The following RPTOR variants were observed in gnomAD, a reference collection of about 807,000 sequenced individuals.
RPTOR encodes the protein regulatory-associated protein of mTOR.
RPTOR carries 21 observed loss-of-function variants against 169.9 expected under a neutral mutation model. The observed-to-expected ratio is 0.12, with a 90% CI of 0.09 to 0.18. The LOEUF is 0.18. RPTOR is among the 10% of genes least tolerant of loss of function. The pLI, the probability that RPTOR is intolerant of heterozygous loss-of-function variation, is 1.00. For missense variants in RPTOR, 1,133 were observed against 1,855.9 expected, an observed-to-expected ratio of 0.61 and a Z score of 7.16; for synonymous variants, 732 against 753.2, an observed-to-expected ratio of 0.97 and a Z score of 0.46.
intron 7 of RPTOR, among the ~76,000 whole-genome samples, chr17:80,799,616 G>C (rs1013359400): frequency 2.0e-5 from 3 of 152,206 alleles, no homozygotes; most frequent in African/African-American, 7.2e-5. Flanking sequence ...GTGACGCAAG[G>C]AGAATAACGG....
At chr17:80,554,616 C>A (rs552243586) in intron 1 of RPTOR, among the ~76,000 whole-genome samples, 2 of 152,012 alleles carry the variant, frequency 1.3e-5, no homozygotes, top group African/African-American at 2.4e-5. Context: ...AGGTGACGGG[C>A]GCCTGTAGTC....
intron 2 of RPTOR, among the ~76,000 whole-genome samples, chr17:80,634,831 T>TGTGCGTACCGTGC (rs1567831680): frequency 1.2e-4 from 16 of 132,236 alleles, no homozygotes; most frequent in Admixed American, 2.9e-4. Context: ...ATACTGTGTG[T>TGTGCGTACCGTGC]GTGTGCATAC....
At chr17:80,647,669 C>T (rs1449965910) in intron 3 of RPTOR, among the ~76,000 whole-genome samples, 7 of 152,172 alleles carry the variant, frequency 4.6e-5, no homozygotes, top group African/African-American at 7.2e-5. Context: ...AACAGCATGG[C>T]GGTGCCTCCA....
intron 6 of RPTOR, among the ~76,000 whole-genome samples, chr17:80,756,052 T>C (rs1907183794): frequency 6.6e-6 from 1 of 152,270 alleles, no homozygotes; most frequent in Non-Finnish European, 1.5e-5. Flanking sequence ...AGAACAATGC[T>C]ACAGTTTTAA....
At chr17:80,938,976 G>A (rs1033215265) in intron 24 of RPTOR, among the ~76,000 whole-genome samples, 13 of 152,316 alleles carry the variant, frequency 8.5e-5, no homozygotes, top group African/African-American at 1.7e-4. Flanking sequence ...GTGCAAGGAC[G>A]CAAACACGGC....
chr17:80,808,576 A>G (rs2067242256), intron 7 of RPTOR, among the ~76,000 whole-genome samples: 1 of 152,180 alleles, frequency 6.6e-6, no homozygotes, highest in African/African-American at 2.4e-5. Flanking sequence ...TACCCACTTG[A>G]GCTGTACAAC....
At chr17:80,558,194 G>A (rs2084435051) in intron 1 of RPTOR, among the ~76,000 whole-genome samples, 2 of 152,130 alleles carry the variant, frequency 1.3e-5, no homozygotes, top group Admixed American at 6.5e-5. Flanking sequence ...CCAGCTACTC[G>A]GATGGCTGAG....
chr17:80,564,057 A>G (rs569443086), intron 1 of RPTOR, among the ~76,000 whole-genome samples: 127 of 149,146 alleles, frequency 8.5e-4, no homozygotes, highest in African/African-American at 2.8e-3. Context: ...GAACATTCAC[A>G]TGTCTTTTCT....
At chr17:80,665,334 TTTC>T (rs2065756217) in intron 3 of RPTOR, among the ~76,000 whole-genome samples, 2 of 328 alleles carry the variant, frequency 6.1e-3, no homozygotes, top group African/African-American at 0.077. Flanking sequence ...TTCTTTTCCC[TTTC>T]CTTTCCTTTC....
rs912705998 is a variant in RPTOR at position 80,659,830 on chromosome 17, T to C, written c.348+16020T>C. Among the ~76,000 whole-genome samples, 11 of 152,294 alleles carry C rather than the reference T, an allele frequency of 7.2e-5. No homozygotes were observed. Among genetic ancestry groups the C allele is most frequent in the African/African-American group, 2.2e-4 (9 of 41,564 alleles). ...CTGGCTAATTTAAAAAATTTTTTTG[T>C]AGAGATAAGGTCTTGCTCTGTTGCT... On this transcript the variant is annotated intron_variant, in intron 3 of 33. Transcript: ENST00000306801. This position sits in a 1 kb window ranked among gnomAD's most constrained non-coding sequence, Gnocchi z 4.3.
At chr17:80,853,325 G>A (rs1442199314) in intron 11 of RPTOR, among the ~76,000 whole-genome samples, 3 of 152,102 alleles carry the variant, frequency 2.0e-5, no homozygotes, top group Admixed American at 6.5e-5. Flanking sequence ...ACCCCCTCAT[G>A]TCACCTCCAG....
chr17:80,706,148 C>G (rs1265583481), intron 3 of RPTOR, among the ~76,000 whole-genome samples: 1 of 152,088 alleles, frequency 6.6e-6, no homozygotes, highest in Non-Finnish European at 1.5e-5. Flanking sequence ...AGAGGCAAAC[C>G]CTTTTAGCTA....
At chr17:80,630,753 G>A (rs554373218) in intron 2 of RPTOR, among the ~76,000 whole-genome samples, 1 of 152,216 alleles carries the variant, frequency 6.6e-6, no homozygotes, top group Non-Finnish European at 1.5e-5. Context: ...CATTAGGGTG[G>A]GTACAGGCAG....
intron 23 of RPTOR, chr17:80,924,241 T>C (rs1373622874): frequency 6.6e-6 from 1 of 152,578 alleles, no homozygotes; most frequent in East Asian, 1.9e-4. Context: ...AGGTGGCAGC[T>C]GGTCCGGAGA....
At chr17:80,797,732 A>G (rs1197655894) in intron 7 of RPTOR, among the ~76,000 whole-genome samples, 1 of 152,226 alleles carries the variant, frequency 6.6e-6, no homozygotes, top group East Asian at 1.9e-4. Flanking sequence ...TTATTTTTAT[A>G]CTTTATCATT....
At chr17:80,899,095 G>A (rs868679281) in intron 20 of RPTOR, among the ~76,000 whole-genome samples, 5 of 152,114 alleles carry the variant, frequency 3.3e-5, no homozygotes, top group African/African-American at 4.8e-5. Context: ...GCCCAGACAC[G>A]CCAACTTGTT....
At chr17:80,824,684 A>G (rs1056988153) in intron 9 of RPTOR, among the ~76,000 whole-genome samples, 1 of 152,160 alleles carries the variant, frequency 6.6e-6, no homozygotes, top group Non-Finnish European at 1.5e-5. Context: ...CCGGTTGAGC[A>G]CTCGGAGCGG....
intron 1 of RPTOR, among the ~76,000 whole-genome samples, chr17:80,603,419 G>T (rs894452354): frequency 6.6e-6 from 1 of 152,188 alleles, no homozygotes; most frequent in African/African-American, 2.4e-5. Flanking sequence ...TTGACCCTGC[G>T]CGCTTTGCAA....
intron 10 of RPTOR, 33 bp downstream of exon 10, chr17:80,838,030 C>T (rs182808719): frequency 4.9e-5 from 76 of 1,566,766 alleles, no homozygotes; most frequent in African/African-American, 3.9e-4. Flanking sequence ...TGTGCATCCG[C>T]GGCGGCAGCC....
Sources: gnomAD v4.1 joint callset for allele counts (sites outside exome capture counted in the v4.1 genomes callset) on GRCh38, gnomAD v4.1.1 for gene constraint, Gnocchi (gnomAD v3.1) non-coding constraint, MANE v1.5 for transcripts, NCBI Gene and HGNC (gene_info 2026-07-23, HGNC 2026-07-21) for gene names.